The following BAZ2B variants were observed in gnomAD, a reference collection of about 807,000 sequenced individuals.
BAZ2B encodes the protein bromodomain adjacent to zinc finger domain 2B.
Under a neutral mutation model 246.0 loss-of-function variants are expected in BAZ2B, and 91 were observed. That is an observed-to-expected ratio of 0.37 (90% CI 0.31 to 0.44). BAZ2B has a LOEUF of 0.44. Ranked by LOEUF, BAZ2B falls within the 20% of genes least tolerant of loss-of-function variation. BAZ2B has a pLI of 1.00. For missense variants in BAZ2B, 2,332 were observed against 2,533.7 expected, an observed-to-expected ratio of 0.92 and a Z score of 1.71; for synonymous variants, 855 against 860.0, an observed-to-expected ratio of 0.99 and a Z score of 0.10.
intron 20 of BAZ2B, 50 bp from the exon 21 acceptor site, chr2:159,389,535 T>C: frequency 7.0e-7 from 1 of 1,432,622 alleles, no homozygotes; most frequent in African/African-American, 1.4e-5. Flanking sequence ...TTATATATGT[T>C]GGAATAAACT....
chr2:159,515,084 T>C (rs2083294163), intron 2 of BAZ2B, among the ~76,000 whole-genome samples: 1 of 152,028 alleles, frequency 6.6e-6, no homozygotes, highest in South Asian at 2.1e-4. Flanking sequence ...TTAGGTTCTA[T>C]AACATTCTTC....
At chr2:159,454,032 T>C (rs1204298786) in intron 3 of BAZ2B, among the ~76,000 whole-genome samples, 1 of 152,172 alleles carries the variant, frequency 6.6e-6, no homozygotes, top group East Asian at 1.9e-4. Context: ...AATTTGAGAT[T>C]TGAGAACCAA....
At chr2:159,403,917 T>A (rs906343976) in intron 16 of BAZ2B, among the ~76,000 whole-genome samples, 6 of 152,138 alleles carry the variant, frequency 3.9e-5, no homozygotes, top group African/African-American at 1.4e-4. Flanking sequence ...AGCCCATATT[T>A]AACTGTAGGC....
chr2:159,682,323 G>C, the BAZ2B span, among the ~76,000 whole-genome samples: 26 of 151,582 alleles, frequency 1.7e-4, no homozygotes, highest in Admixed American at 1.7e-3. Context: ...TGGGACTACA[G>C]GCATGGACCA....
At chr2:159,316,086 T>C (rs1558906732), downstream of BAZ2B, among the ~76,000 whole-genome samples, 1 of 152,120 alleles carries the variant, frequency 6.6e-6, no homozygotes, top group African/African-American at 2.4e-5. Context: ...TATTGCTAAA[T>C]AAATACATAA....
chr2:159,692,898 C>T, the BAZ2B span, among the ~76,000 whole-genome samples: 2 of 152,098 alleles, frequency 1.3e-5, no homozygotes, highest in African/African-American at 4.8e-5. Flanking sequence ...AGCCTTGAAC[C>T]CCTTGGCTCA....
chr2:159,592,315 A>C (rs1689585018), intron 1 of BAZ2B, among the ~76,000 whole-genome samples: 1 of 151,990 alleles, frequency 6.6e-6, no homozygotes, highest in Admixed American at 6.6e-5. Context: ...AATTTTATTT[A>C]TTTATTTATT....
At chr2:159,615,115 G>A (rs188055030) in intron 1 of BAZ2B, among the ~76,000 whole-genome samples, 2 of 152,154 alleles carry the variant, frequency 1.3e-5, no homozygotes, top group East Asian at 3.9e-4. Context: ...CTCTTTATAA[G>A]GAAGCAACAG....
the BAZ2B span, among the ~76,000 whole-genome samples, chr2:159,659,098 A>G: frequency 3.3e-5 from 5 of 152,092 alleles, no homozygotes; most frequent in African/African-American, 1.2e-4. Context: ...CTTTGTTTCT[A>G]TTTTCTGGAA....
At chr2:159,519,554 G>A (rs1330279449) in intron 2 of BAZ2B, among the ~76,000 whole-genome samples, 1 of 151,098 alleles carries the variant, frequency 6.6e-6, no homozygotes, top group Non-Finnish European at 1.5e-5. Flanking sequence ...CTAAAGTCAG[G>A]TTCTTATGCT....
chr2:159,318,421 T>C (rs2062332414), downstream of BAZ2B, among the ~76,000 whole-genome samples: 2 of 152,238 alleles, frequency 1.3e-5, no homozygotes, highest in Non-Finnish European at 2.9e-5. Flanking sequence ...CTTTGAAGCT[T>C]TGTGAAGTTA....
intron 36 of BAZ2B, chr2:159,322,116 C>A (rs2062784961): frequency 6.6e-6 from 1 of 152,236 alleles, no homozygotes; most frequent in South Asian, 2.1e-4. Context: ...AATTCTATTT[C>A]TTTGGTGAAA....
chr2:159,710,698 A>T, the BAZ2B span: 1 of 152,156 alleles, frequency 6.6e-6, no homozygotes, highest in Non-Finnish European at 1.5e-5. Flanking sequence ...TTAGCATAGG[A>T]AATTGGTGTC....
chr2:159,389,538 A>C, intron 20 of BAZ2B, 53 bp from the exon 21 acceptor site: 4 of 1,419,240 alleles, frequency 2.8e-6, no homozygotes, highest in Non-Finnish European at 3.8e-6. Flanking sequence ...TATATGTTGG[A>C]ATAAACTTAG....
intron 8 of BAZ2B, chr2:159,433,583 A>C: frequency 2.4e-6 from 1 of 418,492 alleles, no homozygotes; most frequent in Non-Finnish European, 4.2e-6. Context: ...CCCATTAAAA[A>C]TTATATGCCT....
chr2:159,601,550 G>A (rs1238589766), intron 1 of BAZ2B, among the ~76,000 whole-genome samples: 3 of 151,962 alleles, frequency 2.0e-5, no homozygotes, highest in Non-Finnish European at 2.9e-5. Context: ...CAGAAACCCC[G>A]CCTCTACTAA....
Position 159,397,408 on chromosome 2 carries a change from T to C in BAZ2B, c.2965-19A>G. 6.8e-7 allele frequency: 1 copy of C among 1,465,440 alleles called. No individual in the cohort carries two copies. The highest frequency in any genetic ancestry group is 9.3e-7 in the Non-Finnish European group (1 of 1,070,626). 90.8% of individuals were successfully genotyped at this position (1,465,440 alleles called of 1,614,324 possible). A position where few individuals can be genotyped will look rare whatever the true frequency, so the allele number is the denominator to read the frequency against. The stretch of plus-strand genomic sequence containing the variant: ...CTTTTTCCTTAAAAATAAGAAACTT[T>C]TAATACGTGATTTTTAGAGAAGATT... On this transcript the variant is annotated intron_variant, in intron 18 of 36. Transcript: ENST00000392783.
intron 31 of BAZ2B, among the ~76,000 whole-genome samples, chr2:159,345,796 T>G (rs2067681789): frequency 6.6e-6 from 1 of 152,238 alleles, no homozygotes; most frequent in African/African-American, 2.4e-5. Flanking sequence ...AAAGTAGATG[T>G]AGCAGTTTTA....
chr2:159,534,006 C>T (rs532528834), intron 2 of BAZ2B, among the ~76,000 whole-genome samples: 118 of 152,204 alleles, frequency 7.8e-4, no homozygotes, highest in African/African-American at 2.7e-3. Context: ...TTTCCTTTAA[C>T]GAGAGGCCGT....
Sources: gnomAD v4.1 joint callset for allele counts (sites outside exome capture counted in the v4.1 genomes callset) on GRCh38, gnomAD v4.1.1 for gene constraint, MANE v1.5 for transcripts, NCBI Gene and HGNC (gene_info 2026-07-23, HGNC 2026-07-21) for gene names.